Variants in OR2L13 observed in about 807,000 individuals in gnomAD.
OR2L13 encodes olfactory receptor family 2 subfamily L member 13.
OR2L13 carries 14 observed loss-of-function variants against 15.3 expected under a neutral mutation model. The ratio of observed to expected loss-of-function variants is 0.91; its 90% CI spans 0.60 to 1.43. The LOEUF (loss-of-function observed/expected upper bound fraction) is 1.43, where lower values mean the gene tolerates loss of function less well. Among genes scored for constraint, OR2L13 ranks in the 40% most tolerant of loss-of-function variants. OR2L13 has a pLI of 0.00. For synonymous variants in OR2L13, 152 were observed against 142.9 expected, an observed-to-expected ratio of 1.06 and a Z score of -0.45; for missense variants, 367 against 387.9, an observed-to-expected ratio of 0.95 and a Z score of 0.45.
At chr1:248,049,415 C>T in the OR2L13 span, among the ~76,000 whole-genome samples, 4 of 152,158 alleles carry the variant, frequency 2.6e-5, no homozygotes, top group South Asian at 2.1e-4. Context: ...GTAAATATTA[C>T]GTTGAATATG....
At chr1:247,955,471 C>G in the OR2L13 span, among the ~76,000 whole-genome samples, 5,118 of 151,828 alleles carry the variant, frequency 0.034, 285 homozygotes, top group African/African-American at 0.12. Context: ...CCCAGTAATG[C>G]GATGGCTGGG....
chr1:248,025,687 T>G, the OR2L13 span, among the ~76,000 whole-genome samples: 3 of 148,314 alleles, frequency 2.0e-5, no homozygotes, highest in Non-Finnish European at 4.4e-5. Context: ...TAGCAAAGAC[T>G]TGGAACCAAC....
the OR2L13 span, among the ~76,000 whole-genome samples, chr1:247,955,978 T>A: frequency 2.0e-5 from 3 of 148,288 alleles, no homozygotes; most frequent in Non-Finnish European, 4.5e-5. Context: ...TTGGCTTTTG[T>A]TGCCATTGCT....
chr1:248,019,110 A>T, the OR2L13 span, among the ~76,000 whole-genome samples: 1 of 152,110 alleles, frequency 6.6e-6, no homozygotes, highest in Non-Finnish European at 1.5e-5. Flanking sequence ...CCATATAAGT[A>T]TCTTTCTGAG....
the OR2L13 span, among the ~76,000 whole-genome samples, chr1:248,077,792 AG>A: frequency 7.9e-5 from 12 of 152,174 alleles, no homozygotes; most frequent in African/African-American, 2.4e-4. Flanking sequence ...GAGAATATGC[AG>A]GTAACTATAT....
chr1:247,957,462 T>C, the OR2L13 span, among the ~76,000 whole-genome samples: 1 of 152,224 alleles, frequency 6.6e-6, no homozygotes, highest in African/African-American at 2.4e-5. Context: ...CTTCATAAAA[T>C]GAGTTAAGGA....
At chr1:248,054,641 T>C in the OR2L13 span, among the ~76,000 whole-genome samples, 1 of 152,196 alleles carries the variant, frequency 6.6e-6, no homozygotes, top group Non-Finnish European at 1.5e-5. Flanking sequence ...TAGTTCTCTT[T>C]GAATAGGTCC....
the OR2L13 span, among the ~76,000 whole-genome samples, chr1:247,993,775 G>A: frequency 3.9e-5 from 5 of 129,048 alleles, no homozygotes; most frequent in African/African-American, 7.4e-5. Context: ...GAGAGAGAGA[G>A]AGAGAGAGAG....
chr1:248,067,585 T>A, the OR2L13 span, among the ~76,000 whole-genome samples: 1 of 152,210 alleles, frequency 6.6e-6, no homozygotes, highest in Non-Finnish European at 1.5e-5. Context: ...ACGGGTGATT[T>A]CTGCATTTCC....
the OR2L13 span, chr1:248,060,759 C>T: frequency 6.2e-7 from 1 of 1,614,064 alleles, no homozygotes; most frequent in Non-Finnish European, 8.5e-7. Flanking sequence ...GCCTTTTCCT[C>T]TTCATCCTCA....
At chr1:247,965,453 T>G in the OR2L13 span, 1 of 1,613,978 alleles carries the variant, frequency 6.2e-7, no homozygotes, top group Non-Finnish European at 8.5e-7. Context: ...ATAAACTCTC[T>G]TCTCTTTGTC....
At chr1:247,949,193 A>G in the OR2L13 span, 7 of 1,614,176 alleles carry the variant, frequency 4.3e-6, no homozygotes, top group African/African-American at 4.0e-5. Flanking sequence ...CAGAAGCACT[A>G]CTTTTGGCAT....
the OR2L13 span, among the ~76,000 whole-genome samples, chr1:247,953,100 T>C: frequency 6.6e-6 from 1 of 152,128 alleles, no homozygotes; most frequent in Non-Finnish European, 1.5e-5. Flanking sequence ...GAAAAAGAAG[T>C]CAAATTATTC....
the OR2L13 span, among the ~76,000 whole-genome samples, chr1:247,997,597 GT>G: frequency 1.3e-5 from 2 of 152,156 alleles, no homozygotes; most frequent in South Asian, 4.1e-4. Context: ...CAGACACATT[GT>G]TACTGTGGAT....
the OR2L13 span, among the ~76,000 whole-genome samples, chr1:247,978,293 T>C: frequency 6.6e-6 from 1 of 152,138 alleles, no homozygotes; most frequent in Non-Finnish European, 1.5e-5. Context: ...CAACTCCCAC[T>C]GTTTTGATGT....
chr1:247,940,733 T>TGC, the OR2L13 span, among the ~76,000 whole-genome samples: 5 of 145,496 alleles, frequency 3.4e-5, no homozygotes, highest in African/African-American at 1.3e-4. Context: ...CATACGTGCG[T>TGC]GTGTGTGTGT....
chr1:247,966,440 T>C, the OR2L13 span: 7 of 1,167,114 alleles, frequency 6.0e-6, no homozygotes, highest in Non-Finnish European at 7.2e-6. Context: ...TTTATCAATC[T>C]TGTTTAACTT....
At chr1:248,087,200 T>TAA in the OR2L13 span, among the ~76,000 whole-genome samples, 2 of 147,874 alleles carry the variant, frequency 1.4e-5, no homozygotes, top group African/African-American at 4.9e-5. Flanking sequence ...TACTCTTCAG[T>TAA]AAAAAAAAAA....
the OR2L13 span, among the ~76,000 whole-genome samples, chr1:247,960,748 G>A: frequency 1.3e-5 from 2 of 152,198 alleles, no homozygotes; most frequent in South Asian, 4.1e-4. Context: ...GCTAGGCGCG[G>A]GATTAATCTC....
Sources: gnomAD v4.1 joint callset for allele counts (sites outside exome capture counted in the v4.1 genomes callset) on GRCh38, gnomAD v4.1.1 for gene constraint, MANE v1.5 for transcripts, NCBI Gene and HGNC (gene_info 2026-07-23, HGNC 2026-07-21) for gene names.